The following RAB38 variants were observed in gnomAD, a reference collection of about 807,000 sequenced individuals.
RAB38 encodes the protein ras-related protein Rab-38.
In RAB38, 15 loss-of-function variants were observed where a neutral mutation model predicts 18.4. That is an observed-to-expected ratio of 0.82 (90% CI 0.55 to 1.26). The LOEUF is 1.26. Ranked by LOEUF, RAB38 falls within the 50% of genes most tolerant of loss-of-function variation. The probability of loss-of-function intolerance (pLI) is 0.00; values close to 1 mark genes in which losing one functional copy is unlikely to be tolerated. For missense variants in RAB38, 294 were observed against 267.4 expected (o/e 1.10, Z -0.69); for synonymous variants, 101 against 104.4 (o/e 0.97, Z 0.20).
chr11:88,118,094 G>T (rs1485649073), intron 2 of RAB38, among the ~76,000 whole-genome samples: 1 of 152,122 alleles, frequency 6.6e-6, no homozygotes, highest in African/African-American at 2.4e-5. Context: ...AAGGCAAGAC[G>T]TATACTGTTT....
intron 2 of RAB38, among the ~76,000 whole-genome samples, chr11:88,124,716 A>G (rs1182314661): frequency 6.6e-6 from 1 of 152,196 alleles, no homozygotes; most frequent in African/African-American, 2.4e-5. Context: ...ATAATTTTCT[A>G]CTTTCAGATA....
chr11:87,974,745 C>G, the RAB38 span, among the ~76,000 whole-genome samples: 3 of 148,774 alleles, frequency 2.0e-5, no homozygotes, highest in Non-Finnish European at 3.0e-5. Context: ...ACTTTATATA[C>G]AGAGGGATTA....
At chr11:88,010,235 T>C in the RAB38 span, among the ~76,000 whole-genome samples, 2 of 152,178 alleles carry the variant, frequency 1.3e-5, no homozygotes, top group Admixed American at 1.3e-4. Flanking sequence ...TACCAAATAA[T>C]TGGCAACATA....
chr11:87,958,851 C>T, the RAB38 span, among the ~76,000 whole-genome samples: 1 of 152,132 alleles, frequency 6.6e-6, no homozygotes, highest in South Asian at 2.1e-4. Flanking sequence ...TAATCCCTTT[C>T]TAAGAAGGCT....
At chr11:87,925,518 T>G in the RAB38 span, among the ~76,000 whole-genome samples, 1 of 152,050 alleles carries the variant, frequency 6.6e-6, no homozygotes, top group Non-Finnish European at 1.5e-5. Flanking sequence ...TCCTAGCTTT[T>G]GGCATGGTTT....
intron 1 of RAB38, among the ~76,000 whole-genome samples, chr11:88,164,606 A>C (rs1388666895): frequency 7.0e-6 from 1 of 142,918 alleles, no homozygotes; most frequent in African/African-American, 2.6e-5. Context: ...ATGAAACAAA[A>C]ATAATTTTCT....
chr11:87,912,667 T>C, the RAB38 span, among the ~76,000 whole-genome samples: 3 of 151,654 alleles, frequency 2.0e-5, no homozygotes, highest in Non-Finnish European at 4.4e-5. Flanking sequence ...TTGGTTTTGA[T>C]GATTTTCTCT....
the RAB38 span, among the ~76,000 whole-genome samples, chr11:87,974,819 A>G: frequency 6.6e-6 from 1 of 151,938 alleles, no homozygotes; most frequent in Non-Finnish European, 1.5e-5. Context: ...AGGTGTAACC[A>G]TTTAAAAGCA....
At chr11:87,875,742 C>T in the RAB38 span, among the ~76,000 whole-genome samples, 1 of 151,382 alleles carries the variant, frequency 6.6e-6, no homozygotes, top group East Asian at 2.0e-4. Flanking sequence ...TAAGCATTAG[C>T]TCAATAACAT....
chr11:88,088,481 C>CT, the RAB38 span, among the ~76,000 whole-genome samples: 2 of 151,738 alleles, frequency 1.3e-5, no homozygotes, highest in African/African-American at 2.4e-5. Flanking sequence ...ATCAGGTGAT[C>CT]TTTTTTTAAA....
chr11:87,848,324 G>C, the RAB38 span, among the ~76,000 whole-genome samples: 1 of 151,194 alleles, frequency 6.6e-6, no homozygotes, highest in African/African-American at 2.5e-5. Context: ...TTTCATGCTG[G>C]CTTGCAGTCT....
At chr11:88,026,329 C>T in the RAB38 span, among the ~76,000 whole-genome samples, 7 of 151,600 alleles carry the variant, frequency 4.6e-5, no homozygotes, top group South Asian at 6.3e-4. Flanking sequence ...TTTGAGAGGC[C>T]GAAGCTGGCG....
the RAB38 span, among the ~76,000 whole-genome samples, chr11:87,826,100 A>G: frequency 6.6e-6 from 1 of 152,066 alleles, no homozygotes; most frequent in Non-Finnish European, 1.5e-5. Flanking sequence ...AAAATGGTAA[A>G]AGTGAGTGAT....
At chr11:88,117,529 C>A (rs1942572189) in intron 2 of RAB38, among the ~76,000 whole-genome samples, 1 of 152,052 alleles carries the variant, frequency 6.6e-6, no homozygotes. Flanking sequence ...ACATGTGTAC[C>A]AAGGTGCTGA....
intron 1 of RAB38, among the ~76,000 whole-genome samples, chr11:88,160,525 G>A (rs1255759130): frequency 6.6e-6 from 1 of 151,972 alleles, no homozygotes; most frequent in African/African-American, 2.4e-5. Context: ...AAAAACACGT[G>A]CACTCACATG....
the RAB38 span, among the ~76,000 whole-genome samples, chr11:87,826,079 A>C: frequency 6.6e-6 from 1 of 152,096 alleles, no homozygotes; most frequent in African/African-American, 2.4e-5. Flanking sequence ...GTAGAAAGAC[A>C]ATAGATGTTT....
chr11:88,154,915 T>A (rs775502495), intron 1 of RAB38, among the ~76,000 whole-genome samples: 1 of 152,252 alleles, frequency 6.6e-6, no homozygotes, highest in African/African-American at 2.4e-5. Flanking sequence ...CTCACCTGAA[T>A]TGGCAGCCTG....
At chr11:87,894,206 G>T in the RAB38 span, among the ~76,000 whole-genome samples, 3 of 151,608 alleles carry the variant, frequency 2.0e-5, no homozygotes, top group African/African-American at 4.8e-5. Context: ...TCTTTAGGAG[G>T]TAGAATTTTG....
At chr11:88,138,302 A>G (rs1942860565) in intron 2 of RAB38, among the ~76,000 whole-genome samples, 1 of 152,242 alleles carries the variant, frequency 6.6e-6, no homozygotes, top group African/African-American at 2.4e-5. Context: ...ACAGACAGCA[A>G]ATTATGTGAG....
Sources: allele counts gnomAD v4.1 joint callset (sites outside exome capture counted in the v4.1 genomes callset), GRCh38; gene constraint gnomAD v4.1.1; transcripts MANE v1.5; gene names NCBI Gene and HGNC (gene_info 2026-07-23, HGNC 2026-07-21).